Variants in NSD2 observed in about 807,000 individuals in gnomAD.
NSD2 encodes the protein nuclear receptor binding SET domain protein 2, also known as histone-lysine N-methyltransferase NSD2.
A neutral mutation model predicts 139.0 loss-of-function variants in NSD2; 12 were observed. That is an observed-to-expected ratio of 0.09 (90% CI 0.06 to 0.14). The LOEUF (loss-of-function observed/expected upper bound fraction) is 0.14, where lower values mean the gene tolerates loss of function less well. Among genes scored for constraint, NSD2 ranks in the 10% least tolerant of loss-of-function variants. The pLI, the probability that NSD2 is intolerant of heterozygous loss-of-function variation, is 1.00. For synonymous variants in NSD2, 669 were observed against 648.7 expected (o/e 1.03, Z -0.48); for missense variants, 1,155 against 1,745.0 (o/e 0.66, Z 6.02).
intron 11 of NSD2, among the ~76,000 whole-genome samples, chr4:1,952,481 C>T (rs1009584222): frequency 1.6e-4 from 24 of 152,130 alleles, no homozygotes; most frequent in Non-Finnish European, 2.8e-4. Context: ...GGCAGGGTGG[C>T]GGGATGACAG....
chr4:1,975,168 C>T, intron 19 of NSD2, 126 bp from the exon 20 acceptor site: 1 of 1,397,234 alleles, frequency 7.2e-7, no homozygotes, highest in South Asian at 1.3e-5. Context: ...AATTGAAAGG[C>T]CATGGGTCAA....
At position 1,976,765 on chromosome 4, in the gene NSD2, G is replaced by C. The variant is rs913676880; in HGVS notation, c.3826+86G>C. On this transcript the variant is annotated intron_variant, in intron 21 of 21. Transcript: ENST00000508803. This position sits in a 1 kb window ranked among gnomAD's most constrained non-coding sequence, Gnocchi z 5.3. ...GCTGCTGCCGCTCTTCCTGCTGACC[G>C]GGCCTCATCTGGGTGCAGGCACATC... is the stretch of plus-strand genomic sequence containing the variant. 1.8e-5 allele frequency: 25 copies of C among 1,415,120 alleles called. No homozygotes were observed. Among genetic ancestry groups the C allele is most frequent in the Non-Finnish European group, 2.3e-5 (24 of 1,054,740 alleles). The allele number at this position is 1,415,120 out of a possible 1,614,324, so 87.7% of individuals were successfully genotyped here. A position where few individuals can be genotyped will look rare whatever the true frequency, so the allele number is the denominator to read the frequency against.
At chr4:1,902,220 T>C (rs1041589525) in intron 2 of NSD2, among the ~76,000 whole-genome samples, 1 of 152,158 alleles carries the variant, frequency 6.6e-6, no homozygotes, top group Non-Finnish European at 1.5e-5. Context: ...GTGAAGTTTT[T>C]AAATTTTATT....
rs949665747 is a variant in NSD2, at chr4:1,952,103, C to T, written c.2014-5C>T. 8.7e-6 allele frequency: 14 copies of T among 1,613,654 alleles called. No homozygotes were observed. The East Asian group carries it at 1.1e-4, about 13-fold the overall frequency. On this transcript the variant is annotated splice_polypyrimidine_tract_variant and splice_region_variant and intron_variant, in intron 10 of 21. Transcript: ENST00000508803. ...GCTGCTTACCCGCCTGCTCTGCCCC[C>T]GCAGCTGTGTGAGAAGCCGGGCAGC...
At chr4:1,944,903 A>C (rs1723460741) in intron 9 of NSD2, 1 of 1,063,154 alleles carries the variant, frequency 9.4e-7, no homozygotes, top group African/African-American at 1.6e-5. Context: ...TTATACCTGT[A>C]TCTCCCAACT....
chr4:1,917,853 G>A (rs1719609007), intron 4 of NSD2, among the ~76,000 whole-genome samples: 1 of 149,356 alleles, frequency 6.7e-6, no homozygotes, highest in Non-Finnish European at 1.5e-5. Flanking sequence ...GTGGTCTCGG[G>A]TTACTGCATC....
At chr4:1,976,000 G>A (rs899657809) in intron 20 of NSD2, among the ~76,000 whole-genome samples, 11 of 152,022 alleles carry the variant, frequency 7.2e-5, no homozygotes, top group Non-Finnish European at 4.4e-5. Flanking sequence ...CTGAAAGCCT[G>A]GCGGTGGCAC....
In NSD2 at chr4:1,901,255, T is replaced by A. The variant is rs376329213; in HGVS notation, c.597+4T>A. Reference sequence around the variant, plus strand: ...CTCAAGTCCTTCAGATAAAAAGGTATTTAGGAGACGTTGTGTAAGGGGTCA... The same window carrying A: ...CTCAAGTCCTTCAGATAAAAAGGTAATTAGGAGACGTTGTGTAAGGGGTCA... On this transcript the variant is annotated splice_donor_region_variant and intron_variant, in intron 2 of 21. Coordinates refer to ENST00000508803, the MANE Select transcript of NSD2 (RefSeq NM_001042424.3). 14 of 1,554,474 alleles carry A rather than the reference T, an allele frequency of 9.0e-6. No individual in the cohort carries two copies. The highest frequency in any genetic ancestry group is 1.2e-5 in the Non-Finnish European group (14 of 1,155,758).
intron 1 of NSD2, among the ~76,000 whole-genome samples, chr4:1,887,939 C>T (rs1715238285): frequency 6.6e-6 from 1 of 151,558 alleles, no homozygotes; most frequent in African/African-American, 2.4e-5. Flanking sequence ...GATGACCTTT[C>T]TCCCAGAGCT....
chr4:1,950,141 T>A (rs1332015908), intron 9 of NSD2, among the ~76,000 whole-genome samples: 1 of 152,268 alleles, frequency 6.6e-6, no homozygotes, highest in African/African-American at 2.4e-5. Flanking sequence ...AACACTTGAT[T>A]TGACAGACAA....
chr4:1,977,650 C>G lies in NSD2; in HGVS notation c.3826+971C>G, dbSNP rs376652101. On this transcript the variant is annotated intron_variant, in intron 21 of 21. Transcript: ENST00000508803. Reference sequence around the variant, plus strand: ...AATTAGACTGGTGTGGTGGCATGCACCTGTAATCCCAGCTATTCGGGAGGC... The same window carrying G: ...AATTAGACTGGTGTGGTGGCATGCAGCTGTAATCCCAGCTATTCGGGAGGC... Among the ~76,000 whole-genome samples the G allele has an allele frequency of 6.6e-5, 10 of 152,080 alleles. No individual in the cohort carries two copies. The South Asian group carries it at 2.1e-3, about 32-fold the overall frequency.
intron 3 of NSD2, among the ~76,000 whole-genome samples, chr4:1,915,271 A>G (rs1428927660): frequency 6.6e-6 from 1 of 151,054 alleles, no homozygotes; most frequent in Non-Finnish European, 1.5e-5. Context: ...GCCCACCACC[A>G]TGCCTGGCTA....
At chr4:1,875,738 TAA>T (rs796261936) in intron 1 of NSD2, among the ~76,000 whole-genome samples, 1 of 137,940 alleles carries the variant, frequency 7.2e-6, no homozygotes, top group Admixed American at 7.3e-5. Flanking sequence ...CCGTTTCTAC[TAA>T]AAAAAAAAAA....
intron 21 of NSD2, among the ~76,000 whole-genome samples, chr4:1,977,146 T>TC (rs1191124465): frequency 1.3e-5 from 2 of 152,230 alleles, no homozygotes; most frequent in East Asian, 3.9e-4. Context: ...GGGCAGGCTG[T>TC]CCCCAGAGAT....
At chr4:1,927,713 A>G in intron 5 of NSD2, among the ~76,000 whole-genome samples, 1 of 112,444 alleles carries the variant, frequency 8.9e-6, no homozygotes, top group African/African-American at 3.9e-5. Context: ...TGAGACTCTT[A>G]TCTCAGAAAA....
At chr4:1,907,135 T>G (rs1209726205) in intron 3 of NSD2, among the ~76,000 whole-genome samples, 2 of 152,128 alleles carry the variant, frequency 1.3e-5, no homozygotes, top group Non-Finnish European at 2.9e-5. Flanking sequence ...CTCGCTAAGC[T>G]TCAGTTTCCC....
At position 1,903,625 on chromosome 4, in the gene NSD2, A is replaced by G. The variant is rs1473966626; in HGVS notation, c.598-591A>G. 3.3e-5 allele frequency among the ~76,000 whole-genome samples: 5 copies of G among 152,298 alleles called. No individual in the cohort carries two copies. The East Asian group carries it at 7.7e-4, about 24-fold the overall frequency. On this transcript the variant is annotated intron_variant, in intron 2 of 21. Coordinates refer to ENST00000508803, the MANE Select transcript of NSD2 (RefSeq NM_001042424.3). ...AATAAAGTACCATTAAAGACCGTCT[A>G]TTAATACTAGGCCAAGGAAATAGAT...
chr4:1,912,440 T>C (rs1718805393), intron 3 of NSD2, among the ~76,000 whole-genome samples: 1 of 152,234 alleles, frequency 6.6e-6, no homozygotes, highest in South Asian at 2.1e-4. Context: ...GTTCTGTAAT[T>C]GCATTTTCTT....
intron 3 of NSD2, among the ~76,000 whole-genome samples, chr4:1,907,396 T>G (rs1324458640): frequency 6.6e-6 from 1 of 152,228 alleles, no homozygotes; most frequent in Non-Finnish European, 1.5e-5. Flanking sequence ...TATCTGTTTT[T>G]AAGTGTTTTC....
Sources: gnomAD v4.1 joint callset for allele counts (sites outside exome capture counted in the v4.1 genomes callset) on GRCh38, gnomAD v4.1.1 for gene constraint, Gnocchi (gnomAD v3.1) non-coding constraint, MANE v1.5 for transcripts, NCBI Gene and HGNC (gene_info 2026-07-23, HGNC 2026-07-21) for gene names.